Variants in PYHIN1 observed in about 807,000 individuals in gnomAD.
The protein encoded by PYHIN1 is pyrin and HIN domain family member 1, also known as pyrin and HIN domain-containing protein 1.
PYHIN1 carries 32 observed loss-of-function variants against 43.7 expected under a neutral mutation model. That is an observed-to-expected ratio of 0.73 (90% CI 0.55 to 0.98). The LOEUF is 0.98. PYHIN1 is among the 50% of genes least tolerant of loss of function. The pLI, the probability that PYHIN1 is intolerant of heterozygous loss-of-function variation, is 0.00. For synonymous variants in PYHIN1, 205 were observed against 203.1 expected (o/e 1.01, Z -0.08); for missense variants, 588 against 589.5 (o/e 1.00, Z 0.03).
At chr1:158,960,263 C>T (rs946259448) in intron 7 of PYHIN1, among the ~76,000 whole-genome samples, 1 of 152,194 alleles carries the variant, frequency 6.6e-6, no homozygotes, top group Admixed American at 6.5e-5. Flanking sequence ...TCATTGCAAC[C>T]GCAGATCCAT....
chr1:158,947,682 G>A (rs1341595173), intron 7 of PYHIN1, among the ~76,000 whole-genome samples: 1 of 152,250 alleles, frequency 6.6e-6, no homozygotes, highest in Non-Finnish European at 1.5e-5. Flanking sequence ...GTGCTGTAAA[G>A]AGTAGCAGCC....
At chr1:158,984,317 C>A in the PYHIN1 span, among the ~76,000 whole-genome samples, 1 of 151,986 alleles carries the variant, frequency 6.6e-6, no homozygotes, top group African/African-American at 2.4e-5. Flanking sequence ...ACTGCTTTAG[C>A]TGTGTCCCAG....
chr1:158,977,883 T>C (rs560832142), downstream of PYHIN1, among the ~76,000 whole-genome samples: 3 of 152,172 alleles, frequency 2.0e-5, no homozygotes, highest in South Asian at 6.2e-4. Flanking sequence ...AGGGATAAGA[T>C]GCAAATTAAA....
chr1:158,981,535 T>G (rs529097093), downstream of PYHIN1, among the ~76,000 whole-genome samples: 1 of 152,190 alleles, frequency 6.6e-6, no homozygotes, highest in Non-Finnish European at 1.5e-5. Flanking sequence ...TATCTTTTAG[T>G]AGAACAATTT....
intron 7 of PYHIN1, among the ~76,000 whole-genome samples, chr1:158,959,296 C>T (rs1480994116): frequency 1.4e-5 from 2 of 147,412 alleles, no homozygotes; most frequent in Admixed American, 6.8e-5. Context: ...GCCACAGCCT[C>T]GACTAGCTGG....
In PYHIN1 at chr1:158,942,150, T is replaced by C; in HGVS notation, c.753T>C (p.His251=). 1.2e-6 allele frequency: 2 copies of C among 1,614,146 alleles called. No homozygotes were observed. Among genetic ancestry groups the C allele is most frequent in the East Asian group, 2.2e-5 (1 of 44,880 alleles). The change falls in exon 5 of 9, where the codon CAT becomes CAC. Residue 251 remains histidine, a synonymous_variant. Transcript: ENST00000368140. ...TGGCTACGCAGACACAGTTCTTTCATGTGAAGGTTTTAAACATCAACTTGA... is the reference window on the plus strand; with the variant it reads ...TGGCTACGCAGACACAGTTCTTTCACGTGAAGGTTTTAAACATCAACTTGA... ...ATVATQTQFF[H]VKVLNINLKR...
intron 7 of PYHIN1, among the ~76,000 whole-genome samples, chr1:158,965,590 T>C (rs921885939): frequency 4.6e-5 from 7 of 152,182 alleles, no homozygotes; most frequent in Non-Finnish European, 8.8e-5. Context: ...AGTAAGAAAA[T>C]GGCTCCAACC....
At chr1:158,955,010 A>G (rs1240289764) in intron 7 of PYHIN1, among the ~76,000 whole-genome samples, 1 of 152,112 alleles carries the variant, frequency 6.6e-6, no homozygotes, top group African/African-American at 2.4e-5. Flanking sequence ...AAAGAAGGCC[A>G]TTACATAATG....
chr1:158,948,337 T>C (rs555945617), intron 7 of PYHIN1, among the ~76,000 whole-genome samples: 1 of 152,312 alleles, frequency 6.6e-6, no homozygotes, highest in South Asian at 2.1e-4. Flanking sequence ...TCTAAAATTT[T>C]AGTTTTAAGT....
the PYHIN1 span, among the ~76,000 whole-genome samples, chr1:158,982,918 G>A: frequency 1.3e-5 from 2 of 151,928 alleles, no homozygotes; most frequent in Admixed American, 1.3e-4. Flanking sequence ...AAGGAACTAT[G>A]TTCTTGGTTT....
intron 7 of PYHIN1, among the ~76,000 whole-genome samples, chr1:158,959,077 G>C (rs1328794005): frequency 6.6e-6 from 1 of 151,596 alleles, no homozygotes; most frequent in Admixed American, 6.6e-5. Flanking sequence ...CACTGACCGT[G>C]CAGTTTTTTT....
chr1:158,932,642 ATAG>A (rs1391277169), intron 1 of PYHIN1, among the ~76,000 whole-genome samples: 1 of 152,232 alleles, frequency 6.6e-6, no homozygotes, highest in African/African-American at 2.4e-5. Context: ...GTGCAAACAC[ATAG>A]TAGAAAATGT....
intron 7 of PYHIN1, among the ~76,000 whole-genome samples, chr1:158,949,703 G>A (rs972752864): frequency 2.0e-5 from 3 of 152,064 alleles, no homozygotes; most frequent in Admixed American, 1.3e-4. Context: ...CCCTACAAAG[G>A]ACATGAACTC....
rs1233560032 is a variant in PYHIN1, at chr1:158,945,015, A to G, written c.1332A>G (p.Thr444=). ...SHLKTPQMPP[T]TPSSSSFTKK... ...TCAAGACTCCTCAGATGCCACCAAC[A>G]ACCCCATCCAGCAGTTCCTTCACCA... Residue 444 remains threonine, a synonymous_variant, in exon 7 of 9, where the codon ACA becomes ACG. Transcript: ENST00000368140. The G allele has an allele frequency of 1.2e-6, 2 of 1,613,464 alleles. No individual in the cohort carries two copies. Among genetic ancestry groups the G allele is most frequent in the Non-Finnish European group, 1.7e-6 (2 of 1,179,724 alleles).
chr1:158,955,819 T>A, intron 7 of PYHIN1, among the ~76,000 whole-genome samples: 1 of 76,316 alleles, frequency 1.3e-5, no homozygotes, highest in Non-Finnish European at 3.0e-5. Context: ...CAGGAGCTGG[T>A]TTTTTGAAAG....
chr1:158,963,775 T>C (rs1257710666), intron 7 of PYHIN1, among the ~76,000 whole-genome samples: 2 of 152,194 alleles, frequency 1.3e-5, no homozygotes, highest in Non-Finnish European at 2.9e-5. Flanking sequence ...AGAAGGTTTC[T>C]AACTACTCAA....
At chr1:158,946,547 TTAGA>T (rs4053507) in intron 7 of PYHIN1, among the ~76,000 whole-genome samples, 32,424 of 148,376 alleles carry the variant, frequency 0.22, 3,644 homozygotes, top group Admixed American at 0.33. Context: ...AGCACAGTGA[TTAGA>T]TAGATAGATA....
chr1:158,952,490 C>T (rs1033108651), intron 7 of PYHIN1, among the ~76,000 whole-genome samples: 1 of 152,110 alleles, frequency 6.6e-6, no homozygotes, highest in Non-Finnish European at 1.5e-5. Context: ...TAGAGCATAT[C>T]CCATTTTTTT....
At chr1:158,951,823 T>A (rs1444394410) in intron 7 of PYHIN1, among the ~76,000 whole-genome samples, 1 of 152,228 alleles carries the variant, frequency 6.6e-6, no homozygotes, top group Non-Finnish European at 1.5e-5. Context: ...GGGCCTTTTG[T>A]GATTTTTCTC....
Sources: gnomAD v4.1 joint callset for allele counts (sites outside exome capture counted in the v4.1 genomes callset) on GRCh38, gnomAD v4.1.1 for gene constraint, MANE v1.5 for transcripts, NCBI Gene and HGNC (gene_info 2026-07-23, HGNC 2026-07-21) for gene names.